LAMC1: variants seen among roughly 807,000 people sequenced by gnomAD.
LAMC1 encodes the protein laminin subunit gamma-1.
LAMC1 carries 38 observed loss-of-function variants against 173.6 expected under a neutral mutation model. That is an observed-to-expected ratio of 0.22 (90% CI 0.17 to 0.29). The LOEUF (loss-of-function observed/expected upper bound fraction) is 0.29. Ranked by LOEUF, LAMC1 falls within the 10% of genes least tolerant of loss-of-function variation. The pLI, the probability that LAMC1 is intolerant of heterozygous loss-of-function variation, is 1.00. For missense variants in LAMC1, 1,824 were observed against 2,051.8 expected (o/e 0.89, Z 2.14); for synonymous variants, 746 against 749.1 (o/e 1.00, Z 0.07).
rs547531127 is a variant in LAMC1, at chr1:183,064,783, T to G, written c.419-38545T>G. On this transcript the variant is annotated intron_variant, in intron 1 of 27. Transcript: ENST00000258341. ...ATACATTTATATGATTACTGTTTAT[T>G]CAATGAATTTGTAGTTGACAATAAT... Among the ~76,000 whole-genome samples the G allele has an allele frequency of 2.0e-5, 3 of 152,374 alleles. No individual in the cohort carries two copies. In the East Asian group the frequency reaches 5.8e-4, roughly 29 times the overall value.
chr1:183,054,282 T>G (rs2102025987), intron 1 of LAMC1, among the ~76,000 whole-genome samples: 1 of 152,312 alleles, frequency 6.6e-6, no homozygotes. Context: ...TCTCCCAGTT[T>G]ACGGAGGAGG....
chr1:183,096,794 A>G (rs1655704131), intron 1 of LAMC1, among the ~76,000 whole-genome samples: 1 of 132,428 alleles, frequency 7.6e-6, no homozygotes, highest in African/African-American at 2.5e-5. Context: ...AGGCCATGAA[A>G]AGGGAGTACA....
chr1:183,114,435 C>T, intron 4 of LAMC1, 96 bp from the exon 5 acceptor site: 1 of 1,218,188 alleles, frequency 8.2e-7, no homozygotes, highest in South Asian at 1.2e-5. Context: ...ATCTGTCTGT[C>T]TCAGAGATGT....
chr1:183,103,789 G>T, intron 2 of LAMC1, 157 bp downstream of exon 2: 1 of 535,550 alleles, frequency 1.9e-6, no homozygotes, highest in Non-Finnish European at 3.1e-6. Context: ...TGCTCTCTGT[G>T]TACTATTAAT....
rs982024402 is a variant in LAMC1 at position 183,113,889 on chromosome 1, A to G, written c.1022-642A>G. Among the ~76,000 whole-genome samples, 3 of 152,230 alleles carry G rather than the reference A, an allele frequency of 2.0e-5. No homozygotes were observed. In the East Asian group the frequency reaches 5.8e-4, roughly 29 times the overall value. On this transcript the variant is annotated intron_variant, in intron 4 of 27. Transcript: ENST00000258341. The stretch of plus-strand genomic sequence containing the variant: ...TAAAGGCTAAAGATTCAGGAGAATT[A>G]TAATTTGACTTGACTTTTACTTGTA...
chr1:183,123,448 A>G (rs544913952), intron 13 of LAMC1, among the ~76,000 whole-genome samples: 2 of 152,336 alleles, frequency 1.3e-5, no homozygotes, highest in East Asian at 1.9e-4. Context: ...TTGATACACT[A>G]AAACCAAATC....
At chr1:183,098,581 C>A (rs753835116) in intron 1 of LAMC1, among the ~76,000 whole-genome samples, 2 of 152,182 alleles carry the variant, frequency 1.3e-5, no homozygotes, top group African/African-American at 2.4e-5. Flanking sequence ...TTTTTCTAGT[C>A]AGCTACCTTT....
intron 1 of LAMC1, among the ~76,000 whole-genome samples, chr1:183,046,850 A>G (rs1654279631): frequency 6.6e-6 from 1 of 152,120 alleles, no homozygotes; most frequent in Non-Finnish European, 1.5e-5. Flanking sequence ...CTTAAATATT[A>G]TGCCTTTATA....
chr1:183,084,216 G>A (rs963630515), intron 1 of LAMC1, among the ~76,000 whole-genome samples: 6 of 152,040 alleles, frequency 3.9e-5, no homozygotes, highest in Non-Finnish European at 7.4e-5. Flanking sequence ...GTGGCGGGCC[G>A]CCCGTAGTCC....
chr1:183,033,796 A>G (rs1476918555), intron 1 of LAMC1, among the ~76,000 whole-genome samples: 1 of 151,936 alleles, frequency 6.6e-6, no homozygotes, highest in South Asian at 2.1e-4. Context: ...GGTTCAAGCG[A>G]TTCTCCTGTC....
At chr1:183,084,213 GC>G (rs1273197946) in intron 1 of LAMC1, among the ~76,000 whole-genome samples, 6 of 152,104 alleles carry the variant, frequency 3.9e-5, no homozygotes, top group Non-Finnish European at 7.4e-5. Flanking sequence ...GCAGTGGCGG[GC>G]CGCCCGTAGT....
intron 1 of LAMC1, among the ~76,000 whole-genome samples, chr1:183,072,062 A>G (rs1421545049): frequency 6.6e-6 from 1 of 152,188 alleles, no homozygotes. Context: ...GAACATGGGG[A>G]ATTTTTATGC....
intron 1 of LAMC1, among the ~76,000 whole-genome samples, chr1:183,084,783 G>C (rs1211144110): frequency 5.3e-5 from 8 of 152,158 alleles, no homozygotes; most frequent in African/African-American, 1.9e-4. Context: ...CATTAAGAGA[G>C]ACAATGCTAG....
intron 1 of LAMC1, among the ~76,000 whole-genome samples, chr1:183,088,337 T>C (rs1170007457): frequency 6.6e-6 from 1 of 152,238 alleles, no homozygotes; most frequent in Non-Finnish European, 1.5e-5. Flanking sequence ...CCAAGCACAG[T>C]GCCCTAGGGA....
intron 1 of LAMC1, among the ~76,000 whole-genome samples, chr1:183,054,586 A>G (rs1172623405): frequency 6.6e-6 from 1 of 152,188 alleles, no homozygotes; most frequent in Non-Finnish European, 1.5e-5. Context: ...GTCTTTTGAC[A>G]TTTTAATGAA....
intron 21 of LAMC1, 83 bp from the exon 22 acceptor site, chr1:183,133,323 T>A: frequency 8.1e-7 from 1 of 1,228,326 alleles, no homozygotes; most frequent in Non-Finnish European, 1.1e-6. Context: ...GGGCGTATTA[T>A]CACATGATCA....
chr1:183,035,311 C>T (rs1653952118), intron 1 of LAMC1, among the ~76,000 whole-genome samples: 1 of 152,208 alleles, frequency 6.6e-6, no homozygotes, highest in South Asian at 2.1e-4. Context: ...ACCTCAGCCT[C>T]CTGAGTAGCT....
rs766312407 is a variant in LAMC1, at chr1:183,023,883, A to C, written c.167A>C (p.Asn56Thr). The C allele has an allele frequency of 6.2e-7, 1 of 1,612,534 alleles. No individual in the cohort carries two copies. Among genetic ancestry groups the C allele is most frequent in the Non-Finnish European group, 8.5e-7 (1 of 1,179,630 alleles). ...CAGCGCTGCATGCCCGAGTTCGTCA[A>C]CGCCGCCTTCAACGTGACTGTGGTG... ...RPQRCMPEFV[N>T]AAFNVTVVAT... Residue 56 changes from asparagine (N) to threonine (T), a missense_variant, in exon 1 of 28, where the codon AAC becomes ACC. Coordinates refer to ENST00000258341, the MANE Select transcript of LAMC1 (RefSeq NM_002293.4).
intron 14 of LAMC1, 115 bp downstream of exon 14, chr1:183,124,991 C>T (rs556340398): frequency 3.4e-5 from 46 of 1,349,862 alleles, no homozygotes; most frequent in Non-Finnish European, 4.4e-5. Flanking sequence ...ACATTGTGAA[C>T]CGCTTTTGTC....
Sources: gnomAD v4.1 joint callset for allele counts (sites outside exome capture counted in the v4.1 genomes callset) on GRCh38, gnomAD v4.1.1 for gene constraint, MANE v1.5 for transcripts, NCBI Gene and HGNC (gene_info 2026-07-23, HGNC 2026-07-21) for gene names.